The following AQR variants were observed in gnomAD, a reference collection of about 807,000 sequenced individuals.
AQR encodes the protein aquarius intron-binding spliceosomal factor.
A neutral mutation model predicts 180.5 loss-of-function variants in AQR; 61 were observed. The ratio of observed to expected loss-of-function variants is 0.34; its 90% CI spans 0.28 to 0.42. The LOEUF (loss-of-function observed/expected upper bound fraction) is 0.42, where lower values mean the gene tolerates loss of function less well. AQR is among the 10% of genes least tolerant of loss of function. The pLI is 1.00. For synonymous variants in AQR, 551 were observed against 588.8 expected, an observed-to-expected ratio of 0.94 and a Z score of 0.93; for missense variants, 1,281 against 1,798.3, an observed-to-expected ratio of 0.71 and a Z score of 5.20.
At chr15:34,953,421 T>C (rs144357676) in intron 3 of AQR, among the ~76,000 whole-genome samples, 2 of 152,212 alleles carry the variant, frequency 1.3e-5, no homozygotes, top group African/African-American at 4.8e-5. Flanking sequence ...TGGAAATAGA[T>C]CAGAACACTG....
chr15:34,898,817 G>A (rs1047739779), intron 20 of AQR, among the ~76,000 whole-genome samples: 16 of 151,242 alleles, frequency 1.1e-4, no homozygotes, highest in Admixed American at 9.2e-4. Flanking sequence ...CCGGGAGGCA[G>A]AGCTTGCAGT....
chr15:34,890,088 A>T (rs1204321633), intron 24 of AQR, 127 bp downstream of exon 24: 1 of 745,640 alleles, frequency 1.3e-6, no homozygotes, highest in African/African-American at 1.8e-5. Context: ...ATATAGTCTT[A>T]GTAAGTTAAG....
At chr15:34,875,308 A>G (rs1892875024) in intron 28 of AQR, among the ~76,000 whole-genome samples, 1 of 152,176 alleles carries the variant, frequency 6.6e-6, no homozygotes, top group African/African-American at 2.4e-5. Flanking sequence ...TATCTACACT[A>G]CTACTTCAAT....
chr15:34,906,375 A>C, intron 18 of AQR, 170 bp downstream of exon 18: 2 of 637,054 alleles, frequency 3.1e-6, no homozygotes, highest in East Asian at 3.3e-5. Context: ...CATGTTACCT[A>C]TATCTAAAAC....
At chr15:34,930,236 G>T in intron 12 of AQR, 22 bp downstream of exon 12, 1 of 1,436,750 alleles carries the variant, frequency 7.0e-7, no homozygotes, top group Non-Finnish European at 9.8e-7. Context: ...AGCATACACA[G>T]TCTATAATGT....
At chr15:34,934,070 T>C (rs1893907239) in intron 10 of AQR, among the ~76,000 whole-genome samples, 1 of 151,264 alleles carries the variant, frequency 6.6e-6, no homozygotes, top group Non-Finnish European at 1.5e-5. Flanking sequence ...GAGGCTGCAG[T>C]GAGCCGAGAC....
chr15:34,963,320 C>G (rs931086868), intron 2 of AQR, among the ~76,000 whole-genome samples: 3 of 152,132 alleles, frequency 2.0e-5, no homozygotes, highest in Non-Finnish European at 2.9e-5. Flanking sequence ...AGAATTAACC[C>G]TATATTTGGG....
At chr15:34,910,074 C>T in intron 17 of AQR, 61 bp downstream of exon 17, 2 of 1,550,146 alleles carry the variant, frequency 1.3e-6, no homozygotes, top group Non-Finnish European at 1.8e-6. Context: ...TTTGTTAATG[C>T]TCTAAGTGAA....
At chr15:34,894,225 G>C (rs1451916587) in intron 22 of AQR, among the ~76,000 whole-genome samples, 1 of 149,896 alleles carries the variant, frequency 6.7e-6, no homozygotes. Flanking sequence ...AAAACAAAAA[G>C]CAAAGAAAAA....
intron 17 of AQR, among the ~76,000 whole-genome samples, chr15:34,908,804 T>C (rs566797749): frequency 6.6e-6 from 1 of 152,338 alleles, no homozygotes; most frequent in African/African-American, 2.4e-5. Flanking sequence ...TATAGAGTCC[T>C]TTAAAATAAA....
intron 2 of AQR, among the ~76,000 whole-genome samples, chr15:34,963,856 G>A (rs1245982423): frequency 5.2e-5 from 4 of 77,102 alleles, no homozygotes; most frequent in Admixed American, 2.3e-4. Flanking sequence ...GTAGAGATGG[G>A]GTTTCACCGT....
At chr15:34,943,190 A>G (rs1465380895) in intron 6 of AQR, 1 of 1,610,716 alleles carries the variant, frequency 6.2e-7, no homozygotes, top group Non-Finnish European at 8.5e-7. Flanking sequence ...ATGCCCAGGG[A>G]AAGCGGCGTT....
At chr15:34,861,338 T>G (rs188408327) in intron 33 of AQR, among the ~76,000 whole-genome samples, 1 of 152,314 alleles carries the variant, frequency 6.6e-6, no homozygotes, top group African/African-American at 2.4e-5. Flanking sequence ...TGGAAGAGTT[T>G]TTGCTTGTTA....
chr15:34,955,309 A>G (rs951183043), intron 3 of AQR, among the ~76,000 whole-genome samples: 3 of 152,128 alleles, frequency 2.0e-5, no homozygotes, highest in African/African-American at 4.8e-5. Flanking sequence ...AAGTTGAATA[A>G]TTTATGTATG....
chr15:34,932,483 G>C (rs951596724), intron 10 of AQR, 49 bp from the exon 11 acceptor site: 1 of 1,312,826 alleles, frequency 7.6e-7, no homozygotes, highest in African/African-American at 1.5e-5. Flanking sequence ...ATTCTCCACA[G>C]CTAGAAGTGA....
At chr15:34,895,364 T>C (rs1893228646) in intron 22 of AQR, among the ~76,000 whole-genome samples, 1 of 151,052 alleles carries the variant, frequency 6.6e-6, no homozygotes, top group Non-Finnish European at 1.5e-5. Flanking sequence ...TGTCCTTTAA[T>C]TTGCATTAAA....
At chr15:34,918,886 G>C (rs1376177446) in intron 14 of AQR, among the ~76,000 whole-genome samples, 16 of 152,088 alleles carry the variant, frequency 1.1e-4, no homozygotes, top group Admixed American at 1.0e-3. Flanking sequence ...CTCACTCTAT[G>C]TTCCTTTCCA....
At chr15:34,893,090 A>G (rs1175096960) in intron 23 of AQR, among the ~76,000 whole-genome samples, 2 of 152,190 alleles carry the variant, frequency 1.3e-5, no homozygotes. Context: ...TTATGTTAGG[A>G]ACAAGTGCTC....
Position 34,854,170 on chromosome 15 carries a change from AAAAG to A in AQR, c.*2618_*2621del, listed in dbSNP as rs1466400410. On this transcript the variant is annotated 3_prime_UTR_variant, in exon 35 of 35. Coordinates refer to ENST00000156471, the MANE Select transcript of AQR (RefSeq NM_014691.3). ...TCAGAATTTTGAAAAAAAAAAAAAA[AAAAG>A]AAGAAGAAATTCTAAATACTTGAAT... 3 of 151,782 alleles carry A rather than the reference AAAAG, an allele frequency of 2.0e-5. No individual in the cohort carries two copies. Among genetic ancestry groups the A allele is most frequent in the East Asian group, 1.9e-4 (1 of 5,200 alleles). The allele number at this position is 151,782 out of a possible 1,614,324, so 9.4% of individuals were successfully genotyped here. A position where few individuals can be genotyped will look rare whatever the true frequency, so the allele number is the denominator to read the frequency against.
Sources: allele counts gnomAD v4.1 joint callset (sites outside exome capture counted in the v4.1 genomes callset), GRCh38; gene constraint gnomAD v4.1.1; transcripts MANE v1.5; gene names NCBI Gene and HGNC (gene_info 2026-07-23, HGNC 2026-07-21).